STAG3: variants seen among roughly 807,000 people sequenced by gnomAD.
STAG3 encodes the protein cohesin subunit SA-3.
Under a neutral mutation model 160.7 loss-of-function variants are expected in STAG3, and 101 were observed. That is an observed-to-expected ratio of 0.63 (90% CI 0.54 to 0.74). STAG3 has a LOEUF of 0.74. Ranked by LOEUF, STAG3 falls within the 30% of genes least tolerant of loss-of-function variation. The pLI is 0.00. For missense variants in STAG3, 1,188 were observed against 1,517.4 expected (o/e 0.78, Z 3.61); for synonymous variants, 519 against 585.0 (o/e 0.89, Z 1.63).
downstream of STAG3, chr7:100,219,263 G>A (rs1225226530): frequency 6.4e-6 from 1 of 156,132 alleles, no homozygotes; most frequent in East Asian, 1.9e-4. Context: ...GAGGACTGCT[G>A]TTTGCTGACA....
downstream of STAG3, among the ~76,000 whole-genome samples, chr7:100,215,481 G>T (rs1443828967): frequency 3.3e-5 from 5 of 152,204 alleles, no homozygotes; most frequent in African/African-American, 9.7e-5. Context: ...CCTGTATTCA[G>T]GTAGAATAGT....
chr7:100,179,129 C>T (rs1164718976), intron 1 of STAG3, among the ~76,000 whole-genome samples: 2 of 150,644 alleles, frequency 1.3e-5, no homozygotes, highest in Non-Finnish European at 3.0e-5. Flanking sequence ...TTTGAGCCAC[C>T]CTGGGCACCT....
chr7:100,201,649 T>C, intron 21 of STAG3, 137 bp from the exon 22 acceptor site: 1 of 766,576 alleles, frequency 1.3e-6, no homozygotes, highest in South Asian at 1.6e-5. Context: ...ATGTCCAGAA[T>C]ATCACTCATT....
At chr7:100,180,384 C>T in intron 1 of STAG3, 109 bp from the exon 2 acceptor site, 1 of 583,322 alleles carries the variant, frequency 1.7e-6, no homozygotes, top group East Asian at 2.9e-5. Flanking sequence ...TGGTCCCCCT[C>T]ACCTGACCCC....
chr7:100,177,940 C>A lies in STAG3; in HGVS notation c.-130C>A, dbSNP rs1422792968. 6.6e-6 allele frequency: 1 copy of A among 152,528 alleles called. No individual in the cohort carries two copies. The highest frequency in any genetic ancestry group is 2.4e-5 in the African/African-American group (1 of 41,476). The allele number at this position is 152,528 out of a possible 1,614,324, so 9.4% of individuals were successfully genotyped here. On this transcript the variant is annotated 5_prime_UTR_variant, in exon 1 of 34. Coordinates refer to ENST00000615138, the MANE Select transcript of STAG3 (RefSeq NM_001282717.2). ...CGCGCTTTTCTGGAATCTTTCGCCC[C>A]CGGAAGGGCAGCGGCGGGCGCCTGT...
Position 100,182,160 on chromosome 7 carries a change from A to G in STAG3, c.187A>G (p.Arg63Gly). 3.1e-6 allele frequency: 5 copies of G among 1,605,480 alleles called. No individual in the cohort carries two copies. The highest frequency in any genetic ancestry group is 4.2e-6 in the Non-Finnish European group (5 of 1,176,616). ...CAGCTTGAATCGCAATGTGAAGAAGAGAGCAGCAAAACGACCACCGAAAAC... is the reference window on the plus strand; with the variant it reads ...CAGCTTGAATCGCAATGTGAAGAAGGGAGCAGCAAAACGACCACCGAAAAC... Reference protein sequence around the residue: ...EDSLNRNVKKRAAKRPPKTTP... With the variant: ...EDSLNRNVKKGAAKRPPKTTP... Residue 63 changes from arginine (R) to glycine (G), a missense_variant, in exon 3 of 34, where the codon AGA becomes GGA. This residue lies in a region of STAG3 where 296 missense variants were observed against 404.0 expected (regional missense o/e 0.73). Transcript: ENST00000615138.
chr7:100,213,689 A>T, intron 32 of STAG3, 46 bp from the exon 33 acceptor site: 1 of 1,613,754 alleles, frequency 6.2e-7, no homozygotes. Flanking sequence ...GCGAAGTGAC[A>T]GGAGTGTGTA....
intron 8 of STAG3, among the ~76,000 whole-genome samples, chr7:100,192,503 T>C (rs537401744): frequency 6.6e-6 from 1 of 152,278 alleles, no homozygotes; most frequent in Non-Finnish European, 1.5e-5. Context: ...TAGCCTGTGC[T>C]ATGGAGCAAG....
chr7:100,217,461 C>T (rs1483112946), downstream of STAG3, among the ~76,000 whole-genome samples: 1 of 152,170 alleles, frequency 6.6e-6, no homozygotes, highest in Non-Finnish European at 1.5e-5. Context: ...GATGTCCAGC[C>T]CTACTAGGTC....
downstream of STAG3, chr7:100,214,874 C>T (rs895090256): frequency 6.6e-6 from 1 of 152,090 alleles, no homozygotes; most frequent in Non-Finnish European, 1.5e-5. Context: ...TTCACTCTTG[C>T]CTTCTCCAGC....
At chr7:100,201,468 A>G in intron 21 of STAG3, 117 bp downstream of exon 21, 1 of 880,636 alleles carries the variant, frequency 1.1e-6, no homozygotes, top group Non-Finnish European at 1.8e-6. Flanking sequence ...AAAGCGAGGA[A>G]GATCAGGTGG....
chr7:100,200,396 G>A (rs1801023983), intron 17 of STAG3, 57 bp from the exon 18 acceptor site: 2 of 1,612,692 alleles, frequency 1.2e-6, no homozygotes, highest in South Asian at 2.2e-5. Flanking sequence ...GTGGGGGTGG[G>A]AGTAGGAATT....
intron 7 of STAG3, 101 bp from the exon 8 acceptor site, chr7:100,189,344 T>G: frequency 7.5e-7 from 1 of 1,331,290 alleles, no homozygotes; most frequent in Non-Finnish European, 1.0e-6. Flanking sequence ...CTCTGACGTC[T>G]CATTTTCATT....
Position 100,214,031 on chromosome 7 carries a change from C to T in STAG3, c.*16C>T, listed in dbSNP as rs1379020091. ...GGATTTCTGACAGGACTCTGGGCCC[C>T]TCCCCAGCTCCACTCCCTACCTCAA... On this transcript the variant is annotated 3_prime_UTR_variant, in exon 34 of 34. Coordinates refer to ENST00000615138, the MANE Select transcript of STAG3 (RefSeq NM_001282717.2). 6.2e-7 allele frequency: 1 copy of T among 1,614,046 alleles called. No individual in the cohort carries two copies. Among genetic ancestry groups the T allele is most frequent in the Admixed American group, 1.7e-5 (1 of 60,020 alleles).
rs1373463847 is a variant in STAG3, at chr7:100,201,964, T to G, written c.2317T>G (p.Leu773Val). Residue 773 changes from leucine to valine, a missense_variant, in exon 23 of 34, where the codon TTG becomes GTG. Transcript: ENST00000615138. The stretch of plus-strand genomic sequence containing the variant: ...GTGCCCACAGAAGCAGCTGTCGAGT[T>G]TGAGGGACAGAATGGTGGCCTTCTG... Reference protein sequence around the residue: ...SDASQKQLSSLRDRMVAFCEL... With the variant: ...SDASQKQLSSVRDRMVAFCEL... The G allele has an allele frequency of 2.5e-6, 4 of 1,614,112 alleles. No individual in the cohort carries two copies. The highest frequency in any genetic ancestry group is 3.4e-6 in the Non-Finnish European group (4 of 1,180,014).
intron 1 of STAG3, among the ~76,000 whole-genome samples, chr7:100,178,560 T>C (rs1799423927): frequency 6.6e-6 from 1 of 151,800 alleles, no homozygotes; most frequent in Non-Finnish European, 1.5e-5. Context: ...TGCCCTGCTG[T>C]CTGCCTTGCT....
chr7:100,208,118 A>G (rs927898489), intron 29 of STAG3, among the ~76,000 whole-genome samples: 1 of 145,806 alleles, frequency 6.9e-6, no homozygotes, highest in African/African-American at 2.5e-5. Flanking sequence ...ACTGTCTCAG[A>G]AAAAAAAAAA....
rs763530838 is a variant in STAG3, at chr7:100,202,445, G to A, written c.2564-9G>A. The A allele has an allele frequency of 3.1e-6, 5 of 1,612,336 alleles. No homozygotes were observed. The highest frequency in any genetic ancestry group is 4.2e-6 in the Non-Finnish European group (5 of 1,178,612). On this transcript the variant is annotated splice_polypyrimidine_tract_variant and intron_variant, in intron 24 of 33. Transcript: ENST00000615138. ...TCTGTGATTCCCTTTTGCCTTCCAT[G>A]TGAGCCAGGTGATTCCCAGGAGGAT...
At chr7:100,203,001 C>T (rs1286864004) in intron 25 of STAG3, among the ~76,000 whole-genome samples, 1 of 152,144 alleles carries the variant, frequency 6.6e-6, no homozygotes, top group Non-Finnish European at 1.5e-5. Context: ...GTGTGCCAAG[C>T]ACCATTCCAG....
Sources: gnomAD v4.1 joint callset for allele counts (sites outside exome capture counted in the v4.1 genomes callset) on GRCh38, gnomAD v4.1.1 for gene constraint, gnomAD v4.1.1 regional missense constraint, MANE v1.5 for transcripts, NCBI Gene and HGNC (gene_info 2026-07-23, HGNC 2026-07-21) for gene names.